The following CAB39L variants were observed in gnomAD, a reference collection of about 807,000 sequenced individuals.
CAB39L encodes the protein calcium-binding protein 39-like.
A neutral mutation model predicts 39.1 loss-of-function variants in CAB39L; 23 were observed. The ratio of observed to expected loss-of-function variants is 0.59; its 90% CI spans 0.42 to 0.83. The LOEUF (loss-of-function observed/expected upper bound fraction) is 0.83, where lower values mean the gene tolerates loss of function less well. CAB39L is among the 40% of genes least tolerant of loss of function. The pLI is 0.00. For missense variants in CAB39L, 366 were observed against 391.9 expected, an observed-to-expected ratio of 0.93 and a Z score of 0.56; for synonymous variants, 126 against 137.2, an observed-to-expected ratio of 0.92 and a Z score of 0.57.
Position 49,431,445 on chromosome 13 carries a change from G to A in CAB39L, c.-32+1873C>T, listed in dbSNP as rs532641293. ...AAAAAGGCTGGGCGTGGTGGCTCAC[G>A]TCTGTAATCCCAGCACTTTGGGAGG... On this transcript the variant is annotated intron_variant, in intron 3 of 10. Coordinates refer to ENST00000409308, the MANE Select transcript of CAB39L (RefSeq NM_001079670.3). Among the ~76,000 whole-genome samples the A allele has an allele frequency of 1.8e-4, 27 of 152,212 alleles. No individual in the cohort carries two copies. The East Asian group carries it at 4.1e-3, about 23-fold the overall frequency.
chr13:49,311,007 A>G lies in CAB39L; in HGVS notation c.835-14T>C, dbSNP rs1416681393. 18 of 1,611,746 alleles carry G rather than the reference A, an allele frequency of 1.1e-5. No individual in the cohort carries two copies. The highest frequency in any genetic ancestry group is 1.7e-5 in the Admixed American group (1 of 59,748). On this transcript the variant is annotated splice_polypyrimidine_tract_variant and intron_variant, in intron 10 of 10. Transcript: ENST00000409308. ...GGCCACAAACACCTGAAACAAAAAG[A>G]AACAAATACTTAGGAGTGCAAGCCA... is the stretch of plus-strand genomic sequence containing the variant.
intron 3 of CAB39L, among the ~76,000 whole-genome samples, chr13:49,414,672 CTA>C (rs926423670): frequency 1.3e-5 from 2 of 151,836 alleles, no homozygotes; most frequent in Admixed American, 6.6e-5. Context: ...ATATATACAA[CTA>C]TGTGTGTGTG....
At chr13:49,397,847 AAATGG>A in intron 3 of CAB39L, among the ~76,000 whole-genome samples, 1 of 152,134 alleles carries the variant, frequency 6.6e-6, no homozygotes, top group Non-Finnish European at 1.5e-5. Flanking sequence ...TGAAATTAAC[AAATGG>A]TTACTCTTTA....
intron 3 of CAB39L, among the ~76,000 whole-genome samples, chr13:49,424,291 C>T (rs1957214023): frequency 2.0e-5 from 3 of 152,234 alleles, no homozygotes; most frequent in African/African-American, 7.2e-5. Flanking sequence ...TGGCACTGCG[C>T]TTCTGCGATC....
intron 7 of CAB39L, among the ~76,000 whole-genome samples, chr13:49,345,139 T>C (rs1955110843): frequency 6.6e-6 from 1 of 152,176 alleles, no homozygotes; most frequent in South Asian, 2.1e-4. Flanking sequence ...AAAAATTTAA[T>C]TAAAAACATA....
intron 5 of CAB39L, among the ~76,000 whole-genome samples, chr13:49,371,803 G>C (rs1029292451): frequency 1.3e-5 from 2 of 151,980 alleles, no homozygotes; most frequent in East Asian, 3.9e-4. Flanking sequence ...TGTTGCCCAG[G>C]GGGGTCTCAA....
At chr13:49,410,514 C>T (rs1213264197) in intron 3 of CAB39L, among the ~76,000 whole-genome samples, 2 of 152,120 alleles carry the variant, frequency 1.3e-5, no homozygotes, top group Non-Finnish European at 2.9e-5. Flanking sequence ...AAAAGTACAA[C>T]TTGTAAGCTG....
At chr13:49,339,125 C>CTTTT (rs1215081648) in intron 9 of CAB39L, among the ~76,000 whole-genome samples, 34 of 99,898 alleles carry the variant, frequency 3.4e-4, no homozygotes, top group African/African-American at 3.9e-4. Flanking sequence ...TTTTACATGT[C>CTTTT]TTTTTTTTTT....
At position 49,430,118 on chromosome 13, in the gene CAB39L, A is replaced by G. The variant is rs184199620; in HGVS notation, c.-32+3200T>C. Reference sequence around the variant, plus strand: ...AGTTGATAAACATGCTACCAGCTATAATACTTATTCTCCTTTTAATCAGCC... The same window carrying G: ...AGTTGATAAACATGCTACCAGCTATGATACTTATTCTCCTTTTAATCAGCC... On this transcript the variant is annotated intron_variant, in intron 3 of 10. Transcript: ENST00000409308. Among the ~76,000 whole-genome samples the G allele has an allele frequency of 4.2e-4, 64 of 152,226 alleles. 1 individual carries two copies. The highest frequency in any genetic ancestry group is 7.6e-4 in the Non-Finnish European group (52 of 67,994).
chr13:49,398,282 T>C (rs998448015), intron 3 of CAB39L, among the ~76,000 whole-genome samples: 1 of 152,114 alleles, frequency 6.6e-6, no homozygotes, highest in Non-Finnish European at 1.5e-5. Context: ...AAGATCTCTG[T>C]TTAAACTAAT....
At chr13:49,369,895 G>A (rs117386554) in intron 5 of CAB39L, among the ~76,000 whole-genome samples, 2 of 125,404 alleles carry the variant, frequency 1.6e-5, no homozygotes, top group Non-Finnish European at 3.3e-5. Context: ...CGGCATAGGA[G>A]AATTTTTTAG....
chr13:49,355,850 T>A (rs1277530925), intron 6 of CAB39L, among the ~76,000 whole-genome samples: 1 of 152,030 alleles, frequency 6.6e-6, no homozygotes, highest in Non-Finnish European at 1.5e-5. Flanking sequence ...TGAAAGTTCC[T>A]AGGATATCTT....
intron 4 of CAB39L, among the ~76,000 whole-genome samples, chr13:49,377,804 C>G (rs1477328045): frequency 9.1e-5 from 8 of 88,264 alleles, no homozygotes; most frequent in Non-Finnish European, 1.6e-4. Flanking sequence ...AGCCTCTGCC[C>G]GGCCGCCACC....
At chr13:49,372,263 T>A (rs1188495018) in intron 5 of CAB39L, among the ~76,000 whole-genome samples, 7 of 152,340 alleles carry the variant, frequency 4.6e-5, no homozygotes, top group African/African-American at 1.4e-4. Context: ...GAAATGGTTC[T>A]TTTCTGTCTG....
At chr13:49,355,782 TAC>T (rs1343319239) in intron 6 of CAB39L, among the ~76,000 whole-genome samples, 4 of 151,746 alleles carry the variant, frequency 2.6e-5, no homozygotes, top group Non-Finnish European at 5.9e-5. Flanking sequence ...TATATATTTA[TAC>T]ACACACACAT....
At chr13:49,327,818 C>T (rs1011967255) in intron 10 of CAB39L, among the ~76,000 whole-genome samples, 2 of 152,146 alleles carry the variant, frequency 1.3e-5, no homozygotes, top group African/African-American at 4.8e-5. Flanking sequence ...ATTTATTTTC[C>T]CAGTCTCCCA....
chr13:49,343,398 C>T (rs1324621770), intron 8 of CAB39L, among the ~76,000 whole-genome samples: 3 of 152,188 alleles, frequency 2.0e-5, no homozygotes, highest in African/African-American at 4.8e-5. Context: ...TGCCCAGGGC[C>T]ACTAAGGAGG....
At position 49,439,548 on chromosome 13, in the gene CAB39L, T is replaced by C. The variant is rs114374533; in HGVS notation, c.-246+4438A>G. Among the ~76,000 whole-genome samples, 944 of 152,362 alleles carry C rather than the reference T, an allele frequency of 6.2e-3. 8 individuals are homozygous for C. The highest frequency in any genetic ancestry group is 0.021 in the African/African-American group (875 of 41,582). Reference sequence around the variant, plus strand: ...TTTGCTATTGTGACTAGCACTATGATGAACATATGAGTGCATGTATCTTTT... The same window carrying C: ...TTTGCTATTGTGACTAGCACTATGACGAACATATGAGTGCATGTATCTTTT... On this transcript the variant is annotated intron_variant, in intron 1 of 10. Transcript: ENST00000409308.
chr13:49,316,982 G>A (rs1954175950), intron 10 of CAB39L, among the ~76,000 whole-genome samples: 2 of 152,158 alleles, frequency 1.3e-5, no homozygotes, highest in Admixed American at 1.3e-4. Flanking sequence ...GAAGCTGGGA[G>A]AGAAGCAAGG....
Sources: allele counts gnomAD v4.1 joint callset (sites outside exome capture counted in the v4.1 genomes callset), GRCh38; gene constraint gnomAD v4.1.1; transcripts MANE v1.5; gene names NCBI Gene and HGNC (gene_info 2026-07-23, HGNC 2026-07-21).